ESRRB: variants seen among roughly 807,000 people sequenced by gnomAD.
ESRRB encodes steroid hormone receptor ERR2.
ESRRB carries 16 observed loss-of-function variants against 46.0 expected under a neutral mutation model. The observed-to-expected ratio is 0.35, with a 90% CI of 0.24 to 0.53. The LOEUF is 0.53. Ranked by LOEUF, ESRRB falls within the 20% of genes least tolerant of loss-of-function variation. The probability of loss-of-function intolerance (pLI) is 0.93; values close to 1 mark genes in which losing one functional copy is unlikely to be tolerated. For missense variants in ESRRB, 488 were observed against 607.4 expected (o/e 0.80, Z 2.07); for synonymous variants, 246 against 259.6 (o/e 0.95, Z 0.50).
rs529772193 is a variant in ESRRB at position 76,405,331 on chromosome 14, C to T, written c.50+28880C>T. Reference sequence around the variant, plus strand: ...CTTGCTGTGTTGGCCAGGCTGGTCTCAAACTCCTGCCCTCTAGCAATACGC... The same window carrying T: ...CTTGCTGTGTTGGCCAGGCTGGTCTTAAACTCCTGCCCTCTAGCAATACGC... On this transcript the variant is annotated intron_variant, in intron 1 of 6. Transcript: ENST00000644823. Among the ~76,000 whole-genome samples the T allele has an allele frequency of 2.0e-5, 3 of 152,016 alleles. No individual in the cohort carries two copies. The South Asian group carries it at 6.2e-4, about 32-fold the overall frequency.
rs184312478 is a variant in ESRRB at position 76,496,518 on chromosome 14, C to T, written c.1121-1696C>T. 2.9e-5 allele frequency among the ~76,000 whole-genome samples: 3 copies of T among 101,954 alleles called. No homozygotes were observed. The East Asian group carries it at 9.0e-4, about 31-fold the overall frequency. 66.9% of individuals were successfully genotyped at this position (101,954 alleles called of 152,430 possible). Reference sequence around the variant, plus strand: ...AAGCAGGCTGGGGTCAGACCAGAAGCTCAAGGGCTGTGAAGGGATTGGATT... The same window carrying T: ...AAGCAGGCTGGGGTCAGACCAGAAGTTCAAGGGCTGTGAAGGGATTGGATT... On this transcript the variant is annotated intron_variant, in intron 6 of 6. Transcript: ENST00000644823.
rs766117009 is a variant in ESRRB, at chr14:76,498,260, C to CCTG, written c.1172_1174dup (p.Leu391dup). 6.2e-7 allele frequency: 1 copy of CCTG among 1,613,888 alleles called. No homozygotes were observed. Among genetic ancestry groups the CCTG allele is most frequent in the Middle Eastern group, 1.6e-4 (1 of 6,062 alleles). ...TAGAGGCTGTCCAGAAGCTGCAGGA[C>CCTG]CTGCTGCACGAGGCACTGCAGGACT... On this transcript the variant is annotated inframe_insertion, in exon 7 of 7. Coordinates refer to ENST00000644823, the MANE Select transcript of ESRRB (RefSeq NM_001379180.1).
At chr14:76,358,097 A>T (rs1193214903) in intron 1 of ESRRB, among the ~76,000 whole-genome samples, 1 of 151,940 alleles carries the variant, frequency 6.6e-6, no homozygotes, top group Non-Finnish European at 1.5e-5. Flanking sequence ...AGATCACATG[A>T]GGTCAGGAGT....
At chr14:76,415,798 C>T (rs73318313) in intron 1 of ESRRB, among the ~76,000 whole-genome samples, 8,397 of 152,238 alleles carry the variant, frequency 0.055, 726 homozygotes, top group African/African-American at 0.19. Context: ...TGAGCCACTG[C>T]GCCTGATAAG....
At chr14:76,430,118 G>A (rs1368313346) in intron 1 of ESRRB, among the ~76,000 whole-genome samples, 2 of 151,952 alleles carry the variant, frequency 1.3e-5, no homozygotes, top group Non-Finnish European at 2.9e-5. Context: ...TAGCCACATG[G>A]TCCTCCCCAT....
chr14:76,345,563 T>C (rs2139755453), intron 1 of ESRRB, among the ~76,000 whole-genome samples: 1 of 152,338 alleles, frequency 6.6e-6, no homozygotes, highest in East Asian at 1.9e-4. Flanking sequence ...GCATGGATGC[T>C]GTGATCAGGA....
intron 2 of ESRRB, among the ~76,000 whole-genome samples, chr14:76,454,608 A>G (rs1356282940): frequency 6.6e-6 from 1 of 152,116 alleles, no homozygotes; most frequent in Non-Finnish European, 1.5e-5. Flanking sequence ...GCTCCATGAG[A>G]TCCATGAACT....
intron 3 of ESRRB, among the ~76,000 whole-genome samples, chr14:76,470,499 G>A (rs1470640531): frequency 1.3e-5 from 2 of 152,154 alleles, no homozygotes; most frequent in African/African-American, 4.8e-5. Flanking sequence ...CCATGTGAAG[G>A]GCTGGACCCT....
intron 2 of ESRRB, among the ~76,000 whole-genome samples, chr14:76,461,145 A>G (rs1595140905): frequency 6.6e-6 from 1 of 152,338 alleles, no homozygotes; most frequent in African/African-American, 2.4e-5. Flanking sequence ...AAAGGCAGTC[A>G]CAGCCTCTCC....
intron 1 of ESRRB, among the ~76,000 whole-genome samples, chr14:76,327,749 G>A (rs1001578635): frequency 2.0e-5 from 3 of 152,100 alleles, no homozygotes; most frequent in African/African-American, 7.2e-5. Flanking sequence ...AGCCCAGGCT[G>A]GAGTTGTGCA....
intron 1 of ESRRB, among the ~76,000 whole-genome samples, chr14:76,314,961 C>T (rs1223914150): frequency 2.6e-5 from 4 of 152,034 alleles, no homozygotes; most frequent in Non-Finnish European, 5.9e-5. Flanking sequence ...TTTTTTCTGC[C>T]ACCAACCAAG....
chr14:76,424,372 G>A (rs1566890794), intron 1 of ESRRB, among the ~76,000 whole-genome samples: 1 of 152,206 alleles, frequency 6.6e-6, no homozygotes, highest in Admixed American at 6.5e-5. Flanking sequence ...AGCTTCCTAT[G>A]TGGGTTCTGC....
At chr14:76,394,934 A>T (rs1056891078) in intron 1 of ESRRB, among the ~76,000 whole-genome samples, 3 of 152,204 alleles carry the variant, frequency 2.0e-5, no homozygotes, top group African/African-American at 7.2e-5. Context: ...AATAATTTTG[A>T]TAGAGGGAAA....
chr14:76,367,411 G>A (rs947858082), upstream of ESRRB, among the ~76,000 whole-genome samples: 2 of 152,032 alleles, frequency 1.3e-5, no homozygotes, highest in African/African-American at 4.8e-5. Flanking sequence ...TAAAAAATTA[G>A]CTGGATGTGG....
intron 5 of ESRRB, among the ~76,000 whole-genome samples, chr14:76,483,186 C>G (rs960122114): frequency 2.6e-5 from 4 of 152,144 alleles, no homozygotes; most frequent in Non-Finnish European, 4.4e-5. Flanking sequence ...AGAGCATGGC[C>G]TTGGGAATCA....
chr14:76,485,382 C>G (rs1889968127), intron 5 of ESRRB, among the ~76,000 whole-genome samples: 1 of 151,640 alleles, frequency 6.6e-6, no homozygotes, highest in Admixed American at 6.6e-5. Context: ...GGACTACAGG[C>G]ACGTGCCACC....
chr14:76,468,399 C>T (rs981274912), intron 3 of ESRRB, among the ~76,000 whole-genome samples: 1 of 111,728 alleles, frequency 9.0e-6, no homozygotes, highest in Non-Finnish European at 1.8e-5. Context: ...TGCCCCCCCC[C>T]CAACACCACC....
rs184436488 is a variant in ESRRB at position 76,336,713 on chromosome 14, G to A, written c.2+25797G>A. On this transcript the variant is annotated intron_variant, in intron 1 of 6. Transcript: ENST00000512784. The stretch of plus-strand genomic sequence containing the variant: ...CTGCAGGAGCTGCAGTTCCCTGGGG[G>A]CATCTGCCTGGGGGGCGATACCCAC... 2.1e-3 allele frequency among the ~76,000 whole-genome samples: 318 copies of A among 152,298 alleles called. 2 individuals carry two copies. The highest frequency in any genetic ancestry group is 6.5e-3 in the African/African-American group (270 of 41,568).
At chr14:76,348,865 T>C (rs573227434) in intron 1 of ESRRB, among the ~76,000 whole-genome samples, 1 of 152,092 alleles carries the variant, frequency 6.6e-6, no homozygotes, top group Non-Finnish European at 1.5e-5. Context: ...GGTGGGTGCA[T>C]CCTCTTTCTC....
Sources: allele counts gnomAD v4.1 joint callset (sites outside exome capture counted in the v4.1 genomes callset), GRCh38; gene constraint gnomAD v4.1.1; transcripts MANE v1.5; gene names NCBI Gene and HGNC (gene_info 2026-07-23, HGNC 2026-07-21).